RALYL: variants seen among roughly 807,000 people sequenced by gnomAD.
The protein encoded by RALYL is RNA-binding Raly-like protein.
RALYL carries 29 observed loss-of-function variants against 35.1 expected under a neutral mutation model. That is an observed-to-expected ratio of 0.83 (90% confidence interval 0.61 to 1.13). The LOEUF is 1.13. Among genes scored for constraint, RALYL ranks in the 50% most tolerant of loss-of-function variants. The pLI, the probability that RALYL is intolerant of heterozygous loss-of-function variation, is 0.00. For synonymous variants in RALYL, 120 were observed against 127.6 expected, an observed-to-expected ratio of 0.94 and a Z score of 0.40; for missense variants, 359 against 360.4, an observed-to-expected ratio of 1.00 and a Z score of 0.03.
At chr8:84,870,921 G>A (rs976999133) in intron 6 of RALYL, among the ~76,000 whole-genome samples, 3 of 152,144 alleles carry the variant, frequency 2.0e-5, no homozygotes, top group East Asian at 3.9e-4. Context: ...ATGAGGAAAC[G>A]ACTTCTACAA....
At chr8:84,218,260 T>C (rs1821315081) in intron 1 of RALYL, among the ~76,000 whole-genome samples, 1 of 152,052 alleles carries the variant, frequency 6.6e-6, no homozygotes, top group African/African-American at 2.4e-5. Context: ...AGTAACCTTA[T>C]ATAATTGCAG....
At chr8:84,791,546 C>T (rs1820782493) in intron 3 of RALYL, among the ~76,000 whole-genome samples, 1 of 151,994 alleles carries the variant, frequency 6.6e-6, no homozygotes, top group African/African-American at 2.4e-5. Context: ...CTGAAAAGTC[C>T]CATTAGCCAT....
chr8:84,848,741 T>C (rs542754311), intron 4 of RALYL, among the ~76,000 whole-genome samples: 1 of 152,224 alleles, frequency 6.6e-6, no homozygotes, highest in African/African-American at 2.4e-5. Context: ...TTTGTGAATG[T>C]ACTTAACGCC....
At chr8:84,234,057 C>G (rs1436065816) in intron 1 of RALYL, among the ~76,000 whole-genome samples, 2 of 152,020 alleles carry the variant, frequency 1.3e-5, no homozygotes, top group African/African-American at 2.4e-5. Flanking sequence ...TCTCTTTTAC[C>G]TATTTATCTT....
At chr8:84,864,931 G>T (rs993854784) in intron 6 of RALYL, 2 of 277,792 alleles carry the variant, frequency 7.2e-6, no homozygotes, top group African/African-American at 4.4e-5. Flanking sequence ...ACAACAGACT[G>T]ATCTATTCTA....
intron 1 of RALYL, among the ~76,000 whole-genome samples, chr8:84,337,107 T>G (rs1316932888): frequency 6.6e-6 from 1 of 151,386 alleles, no homozygotes; most frequent in East Asian, 1.9e-4. Context: ...GTTAATCAAA[T>G]TATTACATTT....
At chr8:84,518,920 A>G (rs953827016) in intron 1 of RALYL, among the ~76,000 whole-genome samples, 8 of 152,178 alleles carry the variant, frequency 5.3e-5, no homozygotes, top group Admixed American at 4.6e-4. Flanking sequence ...GGGCATGACA[A>G]TGTTTACCTC....
intron 2 of RALYL, among the ~76,000 whole-genome samples, chr8:84,773,306 A>T (rs1415281367): frequency 1.3e-5 from 2 of 152,174 alleles, no homozygotes; most frequent in Non-Finnish European, 2.9e-5. Flanking sequence ...TTTATCCAGA[A>T]TTTTTGGTTG....
intron 8 of RALYL, among the ~76,000 whole-genome samples, chr8:84,903,182 T>C (rs910786110): frequency 1.3e-5 from 2 of 152,178 alleles, no homozygotes; most frequent in Non-Finnish European, 2.9e-5. Context: ...TCTGTTGAGC[T>C]GGGGTATAGT....
chr8:84,232,493 G>A (rs1330165342), intron 1 of RALYL, among the ~76,000 whole-genome samples: 1 of 152,062 alleles, frequency 6.6e-6, no homozygotes, highest in Non-Finnish European at 1.5e-5. Flanking sequence ...CAGTTAGATA[G>A]GAGGAAGAAG....
intron 8 of RALYL, among the ~76,000 whole-genome samples, chr8:84,909,222 A>G (rs1847090407): frequency 6.6e-6 from 1 of 152,280 alleles, no homozygotes; most frequent in East Asian, 1.9e-4. Flanking sequence ...AGTCATAAAT[A>G]CTGTATACAC....
At chr8:84,469,023 G>T (rs939430000) in intron 1 of RALYL, among the ~76,000 whole-genome samples, 1 of 151,644 alleles carries the variant, frequency 6.6e-6, no homozygotes, top group Non-Finnish European at 1.5e-5. Context: ...CTCTGTATTG[G>T]TTATTCTAGT....
intron 2 of RALYL, among the ~76,000 whole-genome samples, chr8:84,554,147 C>T (rs2060939304): frequency 6.6e-6 from 1 of 151,964 alleles, no homozygotes; most frequent in Non-Finnish European, 1.5e-5. Flanking sequence ...AACAAAATTC[C>T]TAAAAAAATT....
At chr8:84,919,821 TAGAC>T (rs1412629148) in intron 8 of RALYL, among the ~76,000 whole-genome samples, 2 of 152,186 alleles carry the variant, frequency 1.3e-5, no homozygotes, top group Admixed American at 1.3e-4. Context: ...TTTTTCATGT[TAGAC>T]AGGTAATGTG....
intron 4 of RALYL, among the ~76,000 whole-genome samples, chr8:84,844,986 G>A (rs539497280): frequency 6.6e-6 from 1 of 151,970 alleles, no homozygotes; most frequent in South Asian, 2.1e-4. Flanking sequence ...GGGAAGGGGG[G>A]AGGGATACCA....
chr8:84,906,689 T>TAA (rs112161041), intron 8 of RALYL, among the ~76,000 whole-genome samples: 9 of 144,600 alleles, frequency 6.2e-5, no homozygotes, highest in African/African-American at 2.2e-4. Flanking sequence ...GTTAATTGAT[T>TAA]AAAAAAAAAA....
intron 1 of RALYL, among the ~76,000 whole-genome samples, chr8:84,527,866 A>T (rs1049085038): frequency 1.3e-5 from 2 of 152,234 alleles, no homozygotes; most frequent in African/African-American, 4.8e-5. Flanking sequence ...TATTAAACTG[A>T]TCTTCATTAT....
intron 1 of RALYL, among the ~76,000 whole-genome samples, chr8:84,263,893 T>C (rs149468365): frequency 0.036 from 5,495 of 152,246 alleles, 126 homozygotes; most frequent in East Asian, 0.12. Flanking sequence ...CATTAGTTTG[T>C]TGAGGATAAT....
intron 2 of RALYL, among the ~76,000 whole-genome samples, chr8:84,534,171 C>T (rs1212088212): frequency 6.6e-6 from 1 of 152,246 alleles, no homozygotes; most frequent in African/African-American, 2.4e-5. Context: ...ACTACATTCA[C>T]TTCTTTCAGT....
Sources: gnomAD v4.1 joint callset for allele counts (sites outside exome capture counted in the v4.1 genomes callset) on GRCh38, gnomAD v4.1.1 for gene constraint, MANE v1.5 for transcripts, NCBI Gene and HGNC (gene_info 2026-07-23, HGNC 2026-07-21) for gene names.